RAPGEF2: variants seen among roughly 807,000 people sequenced by gnomAD.
RAPGEF2 encodes the protein Rap guanine nucleotide exchange factor 2, also known as PDZ domain containing guanine nucleotide exchange factor (GEF) 1.
A neutral mutation model predicts 186.7 loss-of-function variants in RAPGEF2; 54 were observed. The observed-to-expected ratio is 0.29, with a 90% confidence interval of 0.23 to 0.36. RAPGEF2 has a LOEUF of 0.36. Ranked by LOEUF, RAPGEF2 falls within the 10% of genes least tolerant of loss-of-function variation. The probability of loss-of-function intolerance (pLI) is 1.00; values close to 1 mark genes in which losing one functional copy is unlikely to be tolerated. For missense variants in RAPGEF2, 1,532 were observed against 2,045.0 expected (o/e 0.75, Z 4.84); for synonymous variants, 712 against 705.9 (o/e 1.01, Z -0.14).
chr4:159,106,628 G>T (rs1737916701), intron 1 of RAPGEF2, among the ~76,000 whole-genome samples: 1 of 152,200 alleles, frequency 6.6e-6, no homozygotes, highest in African/African-American at 2.4e-5. Context: ...TGTTTCTGAG[G>T]ATAGACTCGA....
chr4:159,337,907 A>AAAAAAAAAAAAAAAAAAAAAAAAAAAC (rs1282335894), intron 17 of RAPGEF2, among the ~76,000 whole-genome samples: 2 of 148,536 alleles, frequency 1.3e-5, no homozygotes, highest in Non-Finnish European at 3.0e-5. Flanking sequence ...AAAAAAAAAA[A>AAAAAAAAAAAAAAAAAAAAAAAAAAAC]AAAAAAGAAA....
At chr4:159,198,232 TTTTC>T (rs143926924) in intron 3 of RAPGEF2, among the ~76,000 whole-genome samples, 1,889 of 132,770 alleles carry the variant, frequency 0.014, 93 homozygotes, top group African/African-American at 0.048. Context: ...TTTTATTTTC[TTTTC>T]TTTCTTTCTT....
rs1767887018 is a variant in RAPGEF2, at chr4:159,339,181, G to A, written c.2361G>A (p.Lys787=). 2 of 1,614,102 alleles carry A rather than the reference G, an allele frequency of 1.2e-6. No individual in the cohort carries two copies. Among genetic ancestry groups the A allele is most frequent in the Non-Finnish European group, 1.7e-6 (2 of 1,180,000 alleles). The change falls in exon 19 of 30, where the codon AAG becomes AAA. Residue 787 remains lysine (K), a synonymous_variant. Coordinates refer to ENST00000691494, the MANE Select transcript of RAPGEF2 (RefSeq NM_001394067.2). ...AAAGCCGCTACATCATGATCAGTAA[G>A]GACACTACAGCAAAGGAAGTGGTCA... The part of the protein sequence containing the change: ...DQQSRYIMIS[K]DTTAKEVVIQ...
intron 1 of RAPGEF2, among the ~76,000 whole-genome samples, chr4:159,161,521 T>C (rs765657522): frequency 6.6e-6 from 1 of 151,982 alleles, no homozygotes; most frequent in Non-Finnish European, 1.5e-5. Flanking sequence ...CTGAGCAACA[T>C]GGTGAAACCC....
chr4:159,122,622 C>T (rs1739827742), intron 1 of RAPGEF2, among the ~76,000 whole-genome samples: 1 of 152,166 alleles, frequency 6.6e-6, no homozygotes, highest in African/African-American at 2.4e-5. Context: ...GCATACGGTA[C>T]TACTGTAATA....
At chr4:159,273,628 TTCTTTC>T (rs1294514463) in intron 7 of RAPGEF2, among the ~76,000 whole-genome samples, 545 of 13,794 alleles carry the variant, frequency 0.04, 4 homozygotes, top group African/African-American at 0.071. Context: ...AGTAATCAGT[TTCTTTC>T]TTTCTTTCTT....
chr4:159,108,096 A>T (rs1043875563), intron 1 of RAPGEF2, among the ~76,000 whole-genome samples: 33 of 152,260 alleles, frequency 2.2e-4, no homozygotes, highest in African/African-American at 8.0e-4. Context: ...TGGTACAGAA[A>T]TACATTTATA....
chr4:159,204,061 G>A (rs988987902), intron 3 of RAPGEF2, among the ~76,000 whole-genome samples: 2 of 152,326 alleles, frequency 1.3e-5, no homozygotes, highest in Middle Eastern at 3.4e-3. Context: ...TCATCAGAAG[G>A]ATGTCATCTG....
intron 7 of RAPGEF2, among the ~76,000 whole-genome samples, chr4:159,261,809 G>A (rs945220149): frequency 5.9e-5 from 9 of 152,164 alleles, no homozygotes; most frequent in African/African-American, 2.2e-4. Flanking sequence ...GGCTTGCTCT[G>A]TTTTATAGAT....
intron 15 of RAPGEF2, 45 bp downstream of exon 15, chr4:159,331,878 G>T (rs1255260252): frequency 2.1e-5 from 29 of 1,407,498 alleles, no homozygotes; most frequent in Admixed American, 1.4e-4. Context: ...TTGGTGTCTG[G>T]TTTTTTTTTT....
At chr4:159,345,015 A>C in intron 23 of RAPGEF2, 91 bp from the exon 24 acceptor site, 1 of 1,021,004 alleles carries the variant, frequency 9.8e-7, no homozygotes, top group South Asian at 1.4e-5. Context: ...CCTTTTGAAC[A>C]TAGACTATTA....
intron 7 of RAPGEF2, among the ~76,000 whole-genome samples, chr4:159,252,005 A>T (rs1357209261): frequency 6.6e-6 from 1 of 152,254 alleles, no homozygotes; most frequent in East Asian, 1.9e-4. Context: ...CACCAGAAGG[A>T]ACAAAGACAC....
chr4:159,302,773 T>G (rs1762827502), intron 7 of RAPGEF2, among the ~76,000 whole-genome samples: 1 of 151,994 alleles, frequency 6.6e-6, no homozygotes, highest in African/African-American at 2.4e-5. Flanking sequence ...TTTTTTATTT[T>G]TTTTACTTTT....
intron 9 of RAPGEF2, 96 bp downstream of exon 9, chr4:159,314,864 A>C: frequency 5.3e-6 from 6 of 1,139,166 alleles, no homozygotes; most frequent in Non-Finnish European, 7.3e-6. Flanking sequence ...TAGGCTTTAA[A>C]AACTCATTAA....
intron 7 of RAPGEF2, among the ~76,000 whole-genome samples, chr4:159,283,014 T>G (rs950391342): frequency 2.6e-5 from 4 of 152,218 alleles, no homozygotes; most frequent in Non-Finnish European, 5.9e-5. Flanking sequence ...AGCATGGTTA[T>G]TTGCTTTCTT....
intron 4 of RAPGEF2, chr4:159,228,366 T>G (rs544470308): frequency 9.8e-5 from 15 of 152,292 alleles, no homozygotes; most frequent in African/African-American, 3.6e-4. Context: ...AGGTTAGAAT[T>G]TTTTTTAAAG....
chr4:159,115,114 C>T (rs550858281), intron 1 of RAPGEF2, among the ~76,000 whole-genome samples: 4 of 152,190 alleles, frequency 2.6e-5, no homozygotes, highest in Non-Finnish European at 4.4e-5. Context: ...CCCAGTCCCA[C>T]GGATTAGCCA....
chr4:159,273,611 T>G lies in RAPGEF2; in HGVS notation c.543+29820T>G, dbSNP rs115712262. Among the ~76,000 whole-genome samples the G allele has an allele frequency of 9.8e-3, 1,493 of 152,122 alleles. 9 individuals carry two copies. Among genetic ancestry groups the G allele is most frequent in the East Asian group, 0.033 (172 of 5,172 alleles). ...TTCTCCTTTAACCATTTAGCCCTAG[T>G]AAGATCAGTAATCAGTTTCTTTCTT... On this transcript the variant is annotated intron_variant, in intron 7 of 29. Transcript: ENST00000691494.
intron 28 of RAPGEF2, 137 bp from the exon 29 acceptor site, chr4:159,355,716 G>A (rs554474522): frequency 5.3e-5 from 42 of 791,378 alleles, no homozygotes; most frequent in Admixed American, 1.7e-4. Flanking sequence ...GCCTCACACC[G>A]CACCTCTAAC....
Sources: gnomAD v4.1 joint callset for allele counts (sites outside exome capture counted in the v4.1 genomes callset) on GRCh38, gnomAD v4.1.1 for gene constraint, MANE v1.5 for transcripts, NCBI Gene and HGNC (gene_info 2026-07-23, HGNC 2026-07-21) for gene names.